Variants in ZER1 observed in about 807,000 individuals in gnomAD.
The protein encoded by ZER1 is protein zer-1 homolog.
Under a neutral mutation model 78.8 loss-of-function variants are expected in ZER1, and 11 were observed. That is an observed-to-expected ratio of 0.14 (90% CI 0.09 to 0.23). ZER1 has a LOEUF of 0.23. Ranked by LOEUF, ZER1 falls within the 10% of genes least tolerant of loss-of-function variation. The pLI is 1.00. For missense variants in ZER1, 588 were observed against 996.9 expected (o/e 0.59, Z 5.52); for synonymous variants, 400 against 407.0 (o/e 0.98, Z 0.21).
intron 1 of ZER1, among the ~76,000 whole-genome samples, chr9:128,763,667 T>C (rs1864117953): frequency 6.6e-6 from 1 of 152,130 alleles, no homozygotes; most frequent in Admixed American, 6.6e-5. Flanking sequence ...TGCCCTGGAC[T>C]GGGGAGTCAG....
intron 8 of ZER1, 79 bp from the exon 9 acceptor site, chr9:128,742,824 T>A: frequency 1.4e-6 from 2 of 1,423,082 alleles, no homozygotes; most frequent in Admixed American, 2.1e-5. Context: ...TCTAGAGGTA[T>A]GAGCTCATCC....
chr9:128,744,262 G>A (rs997806304), intron 8 of ZER1, among the ~76,000 whole-genome samples: 24 of 151,862 alleles, frequency 1.6e-4, no homozygotes, highest in Non-Finnish European at 1.5e-5. Context: ...TCTTGCAGTG[G>A]CTCACTGCAA....
At chr9:128,748,777 G>T (rs375788534) in intron 8 of ZER1, among the ~76,000 whole-genome samples, 2 of 151,758 alleles carry the variant, frequency 1.3e-5, no homozygotes. Flanking sequence ...TCACCACGTT[G>T]GCCAGGCTGG....
intron 1 of ZER1, among the ~76,000 whole-genome samples, chr9:128,757,632 A>C (rs1399773755): frequency 1.8e-4 from 27 of 152,170 alleles, no homozygotes; most frequent in Admixed American, 1.8e-3. Flanking sequence ...AGGGAAGTGC[A>C]CAGTAAAGCC....
At chr9:128,742,454 G>T in intron 9 of ZER1, 76 bp downstream of exon 9, 1 of 1,552,792 alleles carries the variant, frequency 6.4e-7, no homozygotes, top group South Asian at 1.1e-5. Flanking sequence ...CCTGCTCTGA[G>T]ACTCTCGCTC....
chr9:128,755,299 A>G lies in ZER1; in HGVS notation c.158+109T>C. ...TCCATGTGCACACACACACACCCTC[A>G]CACATTCATCTCCATAGCTACTCCC... On this transcript the variant is annotated intron_variant, in intron 2 of 15. Coordinates refer to ENST00000291900, the MANE Select transcript of ZER1 (RefSeq NM_006336.4). This position sits in a 1 kb window ranked among gnomAD's most constrained non-coding sequence, Gnocchi z 5.6. 1 of 1,463,762 alleles carries G rather than the reference A, an allele frequency of 6.8e-7. No homozygotes were observed. The highest frequency in any genetic ancestry group is 9.4e-7 in the Non-Finnish European group (1 of 1,061,844). The allele number at this position is 1,463,762 out of a possible 1,614,324, so 90.7% of individuals were successfully genotyped here.
rs529707487 is a variant in ZER1, at chr9:128,734,253, G to A, written c.2141-725C>T. ...ACTCTGTCACCCAGGCTGGAGTGCAGTGGCACGATCTGAGCTCACTGCAAC... is the reference window on the plus strand; with the variant it reads ...ACTCTGTCACCCAGGCTGGAGTGCAATGGCACGATCTGAGCTCACTGCAAC... On this transcript the variant is annotated intron_variant, in intron 14 of 15. Transcript: ENST00000291900. Among the ~76,000 whole-genome samples the A allele has an allele frequency of 4.1e-4, 57 of 140,148 alleles. No homozygotes were observed. The East Asian group carries it at 0.012, about 29-fold the overall frequency. The allele number at this position is 140,148 out of a possible 152,430, so 91.9% of individuals were successfully genotyped here.
chr9:128,741,985 G>T (rs1863315684), intron 9 of ZER1, 144 bp from the exon 10 acceptor site: 1 of 1,110,428 alleles, frequency 9.0e-7, no homozygotes, highest in South Asian at 1.4e-5. Flanking sequence ...TTTGGGGGAG[G>T]CTATTTGAAG....
At chr9:128,763,511 C>T (rs930074485) in intron 1 of ZER1, among the ~76,000 whole-genome samples, 3 of 152,192 alleles carry the variant, frequency 2.0e-5, no homozygotes, top group African/African-American at 7.2e-5. Flanking sequence ...GTGAGCGAGC[C>T]GGACAAGGTC....
At position 128,759,949 on chromosome 9, in the gene ZER1, G is replaced by A. The variant is rs191322447; in HGVS notation, c.-94-4290C>T. Among the ~76,000 whole-genome samples, 4 of 151,636 alleles carry A rather than the reference G, an allele frequency of 2.6e-5. No homozygotes were observed. In the East Asian group the frequency reaches 5.9e-4, roughly 22 times the overall value. The stretch of plus-strand genomic sequence containing the variant: ...GGCTGGAGTGTGGTGGTATGATCAC[G>A]GCTCACCGCAGCCTTGACCTCCTGG... On this transcript the variant is annotated intron_variant, in intron 1 of 15. Transcript: ENST00000291900.
Position 128,731,198 on chromosome 9 carries a change from C to A in ZER1, c.*139G>T. 1 of 548,106 alleles carries A rather than the reference C, an allele frequency of 1.8e-6. No homozygotes were observed. Among genetic ancestry groups the A allele is most frequent in the Non-Finnish European group, 3.2e-6 (1 of 312,894 alleles). 34.0% of individuals were successfully genotyped at this position (548,106 alleles called of 1,614,324 possible). On this transcript the variant is annotated 3_prime_UTR_variant, in exon 16 of 16. Transcript: ENST00000291900. ...ATATCTCACTAACATTAAGGAAAAG[C>A]GTCGGTTGTGCAAAAGTCCCCCATG...
chr9:128,761,001 A>G (rs1564409073), intron 1 of ZER1, among the ~76,000 whole-genome samples: 1 of 151,238 alleles, frequency 6.6e-6, no homozygotes, highest in Non-Finnish European at 1.5e-5. Context: ...TACTAAAAAT[A>G]CAAAAAATTA....
In ZER1 at chr9:128,755,308, TCTCCATAGCTA is replaced by T. The variant is rs1440269030; in HGVS notation, c.158+89_158+99del. 1.1e-5 allele frequency: 17 copies of T among 1,508,864 alleles called. No individual in the cohort carries two copies. Among genetic ancestry groups the T allele is most frequent in the Non-Finnish European group, 1.5e-5 (17 of 1,100,618 alleles). The allele number at this position is 1,508,864 out of a possible 1,614,324, so 93.5% of individuals were successfully genotyped here. A position where few individuals can be genotyped will look rare whatever the true frequency, so the allele number is the denominator to read the frequency against. ...ACACACACACACCCTCACACATTCA[TCTCCATAGCTA>T]CTCCCCACATAGTGCACACACGGTC... On this transcript the variant is annotated intron_variant, in intron 2 of 15. Coordinates refer to ENST00000291900, the MANE Select transcript of ZER1 (RefSeq NM_006336.4). This position sits in a 1 kb window ranked among gnomAD's most constrained non-coding sequence, Gnocchi z 5.6.
At chr9:128,770,475 G>A (rs144263268) in intron 1 of ZER1, among the ~76,000 whole-genome samples, 46 of 152,130 alleles carry the variant, frequency 3.0e-4, no homozygotes, top group Non-Finnish European at 5.6e-4. Context: ...CATTTGCTGC[G>A]GAATGCTCTG....
At chr9:128,768,898 T>A (rs1864297195) in intron 1 of ZER1, among the ~76,000 whole-genome samples, 1 of 152,022 alleles carries the variant, frequency 6.6e-6, no homozygotes, top group Non-Finnish European at 1.5e-5. Flanking sequence ...TTCAACACCC[T>A]CATTTTGCCT....
rs966065868 is a variant in ZER1 at position 128,744,574 on chromosome 9, G to T, written c.1360-1829C>A. Among the ~76,000 whole-genome samples, 7 of 151,790 alleles carry T rather than the reference G, an allele frequency of 4.6e-5. No individual in the cohort carries two copies. In the East Asian group the frequency reaches 1.4e-3, roughly 29 times the overall value. On this transcript the variant is annotated intron_variant, in intron 8 of 15. Coordinates refer to ENST00000291900, the MANE Select transcript of ZER1 (RefSeq NM_006336.4). ...GCTCACTGCAACCTCTGCCTCCCAGGTTCAAGTGATTCTTCTGCCTCAGCC... is the reference window on the plus strand; with the variant it reads ...GCTCACTGCAACCTCTGCCTCCCAGTTTCAAGTGATTCTTCTGCCTCAGCC...
rs1864399448 is a variant in ZER1 at position 128,771,891 on chromosome 9, G to A, written c.-405C>T. On this transcript the variant is annotated 5_prime_UTR_variant, in exon 1 of 16. Coordinates refer to ENST00000291900, the MANE Select transcript of ZER1 (RefSeq NM_006336.4). Reference sequence around the variant, plus strand: ...CCCGATCCGGCTCCTACGGCTCGGAGCCTGCAGCCGCCGCCGCCTCCGCTG... The same window carrying A: ...CCCGATCCGGCTCCTACGGCTCGGAACCTGCAGCCGCCGCCGCCTCCGCTG... The A allele has an allele frequency of 6.6e-6, 1 of 152,390 alleles. No individual in the cohort carries two copies. Among genetic ancestry groups the A allele is most frequent in the African/African-American group, 2.4e-5 (1 of 41,454 alleles). 9.4% of individuals were successfully genotyped at this position (152,390 alleles called of 1,614,324 possible).
At chr9:128,739,779 G>A (rs545584916) in intron 13 of ZER1, 152 bp downstream of exon 13, 6 of 910,444 alleles carry the variant, frequency 6.6e-6, no homozygotes, top group Non-Finnish European at 8.2e-6. Context: ...GCTCTGTGCT[G>A]TGTGCGGCTA....
Position 128,751,139 on chromosome 9 carries a change from G to C in ZER1, c.1168C>G (p.Leu390Val). ...DIARIERCNQ[L>V]LRALKLVITA... is the part of the protein sequence containing the mutation. ...GAGCTGACCTTCAGGGCCCGCAGCAGCTGGTTGCAACGCTCGATGCGGGCG... is the reference window on the plus strand; with the variant it reads ...GAGCTGACCTTCAGGGCCCGCAGCACCTGGTTGCAACGCTCGATGCGGGCG... Residue 390 changes from leucine to valine, a missense_variant, in exon 7 of 16, where the codon CTG becomes GTG. Leu to Val is a conservative substitution (Grantham distance 32). This residue lies in a region of ZER1 where 406 missense variants were observed against 660.1 expected (regional missense o/e 0.62). Coordinates refer to ENST00000291900, the MANE Select transcript of ZER1 (RefSeq NM_006336.4). The surrounding 1 kb of genome is among the most constrained non-coding windows in gnomAD (Gnocchi z 5.4). 1 of 1,597,272 alleles carries C rather than the reference G, an allele frequency of 6.3e-7. No individual in the cohort carries two copies. Among genetic ancestry groups the C allele is most frequent in the Non-Finnish European group, 8.6e-7 (1 of 1,168,410 alleles).
Sources: allele counts gnomAD v4.1 joint callset (sites outside exome capture counted in the v4.1 genomes callset), GRCh38; gene constraint gnomAD v4.1.1; regional missense constraint gnomAD v4.1.1; non-coding constraint Gnocchi (gnomAD v3.1); transcripts MANE v1.5; gene names NCBI Gene and HGNC (gene_info 2026-07-23, HGNC 2026-07-21).